ST8SIA2: variants seen among roughly 807,000 people sequenced by gnomAD.
ST8SIA2 encodes ST8 alpha-N-acetyl-neuraminide alpha-2,8-sialyltransferase 2, also known as alpha-2,8-sialyltransferase 8B.
A neutral mutation model predicts 37.6 loss-of-function variants in ST8SIA2; 22 were observed. The observed-to-expected ratio is 0.58, with a 90% CI of 0.42 to 0.83. The LOEUF is 0.83. ST8SIA2 is among the 40% of genes least tolerant of loss of function. The probability of loss-of-function intolerance (pLI) is 0.00; values close to 1 mark genes in which losing one functional copy is unlikely to be tolerated. For synonymous variants in ST8SIA2, 205 were observed against 201.2 expected (o/e 1.02, Z -0.16); for missense variants, 382 against 484.7 (o/e 0.79, Z 1.99).
chr15:92,459,312 G>A (rs1357313499), intron 5 of ST8SIA2, among the ~76,000 whole-genome samples: 4 of 152,148 alleles, frequency 2.6e-5, no homozygotes, highest in African/African-American at 7.2e-5. Context: ...GTGGCTCGAC[G>A]ATCCCTGGGT....
intron 1 of ST8SIA2, among the ~76,000 whole-genome samples, chr15:92,395,326 A>T (rs2141790092): frequency 6.6e-6 from 1 of 152,174 alleles, no homozygotes. Context: ...TTCATTTGTT[A>T]TCTGTGCTAG....
chr15:92,413,923 C>CGTCTATAGG, intron 1 of ST8SIA2, among the ~76,000 whole-genome samples: 1 of 152,320 alleles, frequency 6.6e-6, no homozygotes, highest in South Asian at 2.1e-4. Flanking sequence ...CTCAGGGCAC[C>CGTCTATAGG]GTCTATAGGC....
chr15:92,430,249 A>G, intron 2 of ST8SIA2, 138 bp downstream of exon 2: 1 of 882,910 alleles, frequency 1.1e-6, no homozygotes. Context: ...CATTTCCCTA[A>G]TCACTTTTGG....
intron 1 of ST8SIA2, among the ~76,000 whole-genome samples, chr15:92,397,145 G>T (rs906431886): frequency 6.6e-6 from 1 of 152,184 alleles, no homozygotes; most frequent in Admixed American, 6.5e-5. Flanking sequence ...AAGATAGAAG[G>T]AACCTCTTTT....
At chr15:92,439,510 C>G (rs752994229) in intron 4 of ST8SIA2, among the ~76,000 whole-genome samples, 1 of 152,194 alleles carries the variant, frequency 6.6e-6, no homozygotes, top group South Asian at 2.1e-4. Context: ...CCAGCCCTGG[C>G]AGAACCGCAA....
rs150551248 is a variant in ST8SIA2 at position 92,462,190 on chromosome 15, C to T, written c.843-1910C>T. ...GGACCACAGCCTTCATCAGCAATGT[C>T]GAAGGGGAGATTCAAGTCACCCCAG... On this transcript the variant is annotated intron_variant, in intron 5 of 5. Coordinates refer to ENST00000268164, the MANE Select transcript of ST8SIA2 (RefSeq NM_006011.4). 5.4e-3 allele frequency among the ~76,000 whole-genome samples: 815 copies of T among 152,270 alleles called. 5 individuals carry two copies. The highest frequency in any genetic ancestry group is 0.018 in the African/African-American group (752 of 41,548).
At chr15:92,454,105 C>G (rs1338195119) in intron 5 of ST8SIA2, among the ~76,000 whole-genome samples, 1 of 152,084 alleles carries the variant, frequency 6.6e-6, no homozygotes, top group Non-Finnish European at 1.5e-5. Context: ...TCAGGGCTAC[C>G]GTAACAGCGT....
intron 5 of ST8SIA2, among the ~76,000 whole-genome samples, chr15:92,447,875 C>T (rs1205716491): frequency 2.0e-5 from 3 of 152,204 alleles, no homozygotes; most frequent in South Asian, 2.1e-4. Flanking sequence ...AGTAGGTCTG[C>T]AGTGGCAACC....
intron 1 of ST8SIA2, among the ~76,000 whole-genome samples, chr15:92,395,567 GA>G (rs2049424922): frequency 1.3e-5 from 2 of 152,192 alleles, no homozygotes; most frequent in Admixed American, 6.5e-5. Flanking sequence ...CAAGAGCTCT[GA>G]AAACTTTCAC....
At chr15:92,410,612 A>C (rs2049541812) in intron 1 of ST8SIA2, among the ~76,000 whole-genome samples, 1 of 152,224 alleles carries the variant, frequency 6.6e-6, no homozygotes, top group Non-Finnish European at 1.5e-5. Flanking sequence ...GCATAGTTAA[A>C]TGTGGTGATT....
rs573553124 is a variant in ST8SIA2, at chr15:92,418,490, G to A, written c.99-11559G>A. Among the ~76,000 whole-genome samples, 14 of 149,680 alleles carry A rather than the reference G, an allele frequency of 9.4e-5. No individual in the cohort carries two copies. In the East Asian group the frequency reaches 2.4e-3, roughly 25 times the overall value. On this transcript the variant is annotated intron_variant, in intron 1 of 5. Transcript: ENST00000268164. ...AAAAAAAAAAAAAAAAAAAGGCTTC[G>A]GTAGAGTGCCTGGCACATGGAGGGG...
chr15:92,455,209 C>T (rs2049911601), intron 5 of ST8SIA2, among the ~76,000 whole-genome samples: 1 of 152,130 alleles, frequency 6.6e-6, no homozygotes, highest in Non-Finnish European at 1.5e-5. Context: ...TGGTCCCTTC[C>T]CTGTGCTGGT....
chr15:92,458,836 T>C (rs1441961476), intron 5 of ST8SIA2, among the ~76,000 whole-genome samples: 9 of 152,230 alleles, frequency 5.9e-5, no homozygotes, highest in Non-Finnish European at 1.2e-4. Flanking sequence ...ATTTTCAGCC[T>C]GGGCTGCTAA....
At chr15:92,453,366 T>G (rs534320981) in intron 5 of ST8SIA2, among the ~76,000 whole-genome samples, 1 of 152,202 alleles carries the variant, frequency 6.6e-6, no homozygotes, top group Non-Finnish European at 1.5e-5. Context: ...CATTCACTGG[T>G]GATGTGACTT....
intron 1 of ST8SIA2, among the ~76,000 whole-genome samples, chr15:92,418,908 T>C (rs2049609853): frequency 1.3e-5 from 2 of 152,182 alleles, no homozygotes; most frequent in Admixed American, 1.3e-4. Context: ...AAGGATTTTC[T>C]GGGCCAGAAG....
chr15:92,393,919 TGCC>T lies in ST8SIA2; in HGVS notation c.-138_-136del. The T allele has an allele frequency of 3.3e-6, 1 of 301,666 alleles. No homozygotes were observed. Among genetic ancestry groups the T allele is most frequent in the African/African-American group, 2.3e-5 (1 of 43,840 alleles). The allele number at this position is 301,666 out of a possible 1,614,324, so 18.7% of individuals were successfully genotyped here. A position where few individuals can be genotyped will look rare whatever the true frequency, so the allele number is the denominator to read the frequency against. On this transcript the variant is annotated 5_prime_UTR_variant, in exon 1 of 6. Transcript: ENST00000268164. ...CTGTCGCTGCCGCTGCCGCTGCCGC[TGCC>T]GCCGCCGGCCCGGACTCGTCCGGAG...
At chr15:92,462,466 A>C (rs2049964159) in intron 5 of ST8SIA2, among the ~76,000 whole-genome samples, 1 of 152,192 alleles carries the variant, frequency 6.6e-6, no homozygotes. Flanking sequence ...ATAAAGAAGT[A>C]TTTGGGCTTC....
Position 92,465,522 on chromosome 15 carries a change from C to T in ST8SIA2, c.*1137C>T, listed in dbSNP as rs1368721356. The T allele has an allele frequency of 6.6e-6, 1 of 152,204 alleles. No individual in the cohort carries two copies. Among genetic ancestry groups the T allele is most frequent in the African/African-American group, 2.4e-5 (1 of 41,432 alleles). The allele number at this position is 152,204 out of a possible 1,614,324, so 9.4% of individuals were successfully genotyped here. ...GTCCCTGCAACCACTCTCTGTTTGC[C>T]TTCTGCATTCTGCACTCTGCGGGGC... On this transcript the variant is annotated 3_prime_UTR_variant, in exon 6 of 6. Coordinates refer to ENST00000268164, the MANE Select transcript of ST8SIA2 (RefSeq NM_006011.4).
intron 1 of ST8SIA2, among the ~76,000 whole-genome samples, chr15:92,400,782 C>T (rs992596351): frequency 1.4e-4 from 21 of 152,150 alleles, no homozygotes; most frequent in African/African-American, 3.9e-4. Context: ...CAGCCGGCCC[C>T]GTCTACCTTA....
Sources: allele counts gnomAD v4.1 joint callset (sites outside exome capture counted in the v4.1 genomes callset), GRCh38; gene constraint gnomAD v4.1.1; transcripts MANE v1.5; gene names NCBI Gene and HGNC (gene_info 2026-07-23, HGNC 2026-07-21).